Variants in SLC12A1 observed in about 807,000 individuals in gnomAD.
The protein encoded by SLC12A1 is solute carrier family 12 member 1.
SLC12A1 carries 89 observed loss-of-function variants against 130.4 expected under a neutral mutation model. The ratio of observed to expected loss-of-function variants is 0.68; its 90% CI spans 0.58 to 0.81. SLC12A1 has a LOEUF of 0.81. Ranked by LOEUF, SLC12A1 falls within the 40% of genes least tolerant of loss-of-function variation. The probability of loss-of-function intolerance (pLI) is 0.00; values close to 1 mark genes in which losing one functional copy is unlikely to be tolerated. For missense variants in SLC12A1, 1,310 were observed against 1,336.4 expected (o/e 0.98, Z 0.31); for synonymous variants, 499 against 460.0 (o/e 1.08, Z -1.09).
intron 19 of SLC12A1, among the ~76,000 whole-genome samples, chr15:48,273,357 C>T (rs1269873532): frequency 1.3e-5 from 2 of 152,148 alleles, no homozygotes; most frequent in Non-Finnish European, 2.9e-5. Context: ...CCTAATTTCA[C>T]TTTTAAGTAC....
chr15:48,221,861 T>A (rs569285973), intron 4 of SLC12A1, among the ~76,000 whole-genome samples: 2 of 152,346 alleles, frequency 1.3e-5, no homozygotes, highest in East Asian at 1.9e-4. Flanking sequence ...TGCTTTCAGA[T>A]AGCACTCCAG....
chr15:48,274,687 T>C lies in SLC12A1; in HGVS notation c.2485+34T>C, dbSNP rs369465569. 5 of 1,436,122 alleles carry C rather than the reference T, an allele frequency of 3.5e-6. No homozygotes were observed. In the African/African-American group the frequency reaches 7.0e-5, roughly 20 times the overall value. The allele number at this position is 1,436,122 out of a possible 1,614,324, so 89.0% of individuals were successfully genotyped here. ...TTTCTTTATTCAACCAACAAGTATT[T>C]ATTGAGCACCTACTTTGTGCCTGAC... is the stretch of plus-strand genomic sequence containing the variant. On this transcript the variant is annotated intron_variant, in intron 20 of 26. Coordinates refer to ENST00000380993, the MANE Select transcript of SLC12A1 (RefSeq NM_000338.3).
rs550686114 is a variant in SLC12A1 at position 48,254,592 on chromosome 15, TAAAAAAAAAAAAAAAAAAAAAAA to T, written c.1943-1203_1943-1181del. On this transcript the variant is annotated intron_variant, in intron 15 of 26. Transcript: ENST00000380993. ...AAGATCCATTTAATACTTAAATTCG[TAAAAAAAAAAAAAAAAAAAAAAA>T]AAAAAAAAAAAAAAACCCAAAAAAG... Among the ~76,000 whole-genome samples the T allele has an allele frequency of 4.7e-3, 246 of 52,898 alleles. 5 individuals carry two copies. In the East Asian group the frequency reaches 0.084, roughly 18 times the overall value. The allele number at this position is 52,898 out of a possible 152,430, so 34.7% of individuals were successfully genotyped here.
chr15:48,220,908 C>T lies in SLC12A1; in HGVS notation c.553-13C>T. 6.2e-7 allele frequency: 1 copy of T among 1,613,808 alleles called. No individual in the cohort carries two copies. The highest frequency in any genetic ancestry group is 1.1e-5 in the South Asian group (1 of 91,068). ...TTTGTCCTGTCTCCTTTCAATACCG[C>T]TTCTATCCACAGGTAAGATGCATGC... On this transcript the variant is annotated splice_polypyrimidine_tract_variant and intron_variant, in intron 3 of 26. Coordinates refer to ENST00000380993, the MANE Select transcript of SLC12A1 (RefSeq NM_000338.3).
chr15:48,274,598 G>A lies in SLC12A1; in HGVS notation c.2430G>A (p.Val810=), dbSNP rs1249653328. The A allele has an allele frequency of 1.2e-6, 2 of 1,612,942 alleles. No homozygotes were observed. The highest frequency in any genetic ancestry group is 2.2e-5 in the East Asian group (1 of 44,866). Residue 810 remains valine, a synonymous_variant, in exon 20 of 27, where the codon GTG becomes GTA. Coordinates refer to ENST00000380993, the MANE Select transcript of SLC12A1 (RefSeq NM_000338.3). Reference sequence around the variant, plus strand: ...ATGCATTTGATTTTGAGATTGGCGTGGTTATAGTCAGAATCAGCCAAGGAT... The same window carrying A: ...ATGCATTTGATTTTGAGATTGGCGTAGTTATAGTCAGAATCAGCCAAGGAT... The part of the protein sequence containing the change: ...IHDAFDFEIG[V]VIVRISQGFD...
intron 16 of SLC12A1, 80 bp from the exon 17 acceptor site, chr15:48,259,120 A>G: frequency 1.1e-6 from 1 of 913,878 alleles, no homozygotes; most frequent in Non-Finnish European, 1.8e-6. Context: ...AAGCCTCTGT[A>G]CCTGTCATCC....
chr15:48,255,879 A>G lies in SLC12A1; in HGVS notation c.2011A>G (p.Thr671Ala), dbSNP rs774918799. 2.5e-6 allele frequency: 4 copies of G among 1,603,330 alleles called. No homozygotes were observed. The South Asian group carries it at 3.4e-5, about 14-fold the overall frequency. The stretch of plus-strand genomic sequence containing the variant: ...TGCTTTAGACAATGCTCTGGAATTA[A>G]CCACAGTGGAAGACCACGTAAAAAA... The part of the protein sequence containing the change: ...VSALDNALEL[T>A]TVEDHVKNFR... Residue 671 changes from threonine (T) to alanine (A), a missense_variant, in exon 16 of 27, where the codon ACC (threonine) becomes GCC (alanine). Transcript: ENST00000380993.
intron 9 of SLC12A1, among the ~76,000 whole-genome samples, chr15:48,236,011 A>T (rs1476634411): frequency 6.6e-6 from 1 of 152,090 alleles, no homozygotes; most frequent in Non-Finnish European, 1.5e-5. Context: ...GGGCAGCCAC[A>T]TGCCCAGATA....
At chr15:48,296,127 C>A (rs561587922) in intron 24 of SLC12A1, among the ~76,000 whole-genome samples, 1 of 152,290 alleles carries the variant, frequency 6.6e-6, no homozygotes, top group South Asian at 2.1e-4. Flanking sequence ...GCAGCCCTTA[C>A]CTACTGTTAA....
intron 7 of SLC12A1, 68 bp downstream of exon 7, chr15:48,230,571 G>C: frequency 2.1e-6 from 2 of 943,684 alleles, no homozygotes; most frequent in South Asian, 1.4e-5. Flanking sequence ...CAGGAGTAGA[G>C]GGAACTCCAT....
At chr15:48,279,678 C>T (rs1597450604) in intron 20 of SLC12A1, among the ~76,000 whole-genome samples, 1 of 152,160 alleles carries the variant, frequency 6.6e-6, no homozygotes, top group East Asian at 1.9e-4. Context: ...GCAAGTTTTC[C>T]AACTACAACA....
chr15:48,245,800 C>T (rs991973004), intron 11 of SLC12A1, among the ~76,000 whole-genome samples: 4 of 152,150 alleles, frequency 2.6e-5, no homozygotes, highest in African/African-American at 9.7e-5. Context: ...AGAGATTGCT[C>T]GGTCAAATGA....
chr15:48,301,731 T>C (rs561379275), intron 26 of SLC12A1, among the ~76,000 whole-genome samples: 61 of 152,136 alleles, frequency 4.0e-4, no homozygotes, highest in African/African-American at 1.4e-3. Flanking sequence ...ACGGGCCCCT[T>C]CCCTGAGTGG....
chr15:48,246,169 A>G (rs1280847201), intron 11 of SLC12A1, among the ~76,000 whole-genome samples: 1 of 152,244 alleles, frequency 6.6e-6, no homozygotes. Flanking sequence ...ATCTAAAATT[A>G]TGTTTAATGA....
Position 48,259,296 on chromosome 15 carries a change from C to T in SLC12A1, c.2139C>T (p.Cys713=). The T allele has an allele frequency of 6.2e-7, 1 of 1,611,252 alleles. No homozygotes were observed. Among genetic ancestry groups the T allele is most frequent in the Non-Finnish European group, 8.5e-7 (1 of 1,177,416 alleles). ...AFTKNSGLCI[C]CEVFVGPRKL... is the part of the protein sequence containing the mutation. ...CCAAGAACAGTGGCCTTTGCATCTG[C>T]TGTGAAGTCTTTGTGGTAAGAGCCA... Residue 713 remains cysteine (C), a synonymous_variant, in exon 17 of 27, where the codon TGC becomes TGT. Coordinates refer to ENST00000380993, the MANE Select transcript of SLC12A1 (RefSeq NM_000338.3).
At chr15:48,216,165 C>T (rs2041119044) in intron 2 of SLC12A1, among the ~76,000 whole-genome samples, 1 of 152,064 alleles carries the variant, frequency 6.6e-6, no homozygotes, top group African/African-American at 2.4e-5. Context: ...TTGACTACAC[C>T]TTTGAATAAT....
chr15:48,269,735 A>C lies in SLC12A1; in HGVS notation c.2373A>C (p.Thr791=), dbSNP rs768154931. The change falls in exon 19 of 27, where the codon ACA becomes ACC. Residue 791 remains threonine (T), a synonymous_variant. Coordinates refer to ENST00000380993, the MANE Select transcript of SLC12A1 (RefSeq NM_000338.3). ...AAAACTGGAGGAAAGCTCCCTTGAC[A>C]GAGATTGAGAACTACGTGGGAATCA... ...YKKNWRKAPL[T]EIENYVGIIH... is the part of the protein sequence containing the mutation. 66 of 1,607,006 alleles carry C rather than the reference A, an allele frequency of 4.1e-5. No homozygotes were observed. The highest frequency in any genetic ancestry group is 5.4e-5 in the Non-Finnish European group (63 of 1,173,972).
intron 20 of SLC12A1, among the ~76,000 whole-genome samples, chr15:48,282,645 C>T (rs1188677627): frequency 1.3e-5 from 2 of 152,142 alleles, no homozygotes; most frequent in African/African-American, 4.8e-5. Context: ...ACAGTGACAA[C>T]AAAGTCTGGG....
At chr15:48,241,941 G>C (rs745601496) in intron 10 of SLC12A1, among the ~76,000 whole-genome samples, 2 of 152,154 alleles carry the variant, frequency 1.3e-5, no homozygotes, top group African/African-American at 4.8e-5. Context: ...GGAGGCAGGA[G>C]AGAAACAGAG....
Sources: allele counts gnomAD v4.1 joint callset (sites outside exome capture counted in the v4.1 genomes callset), GRCh38; gene constraint gnomAD v4.1.1; transcripts MANE v1.5; gene names NCBI Gene and HGNC (gene_info 2026-07-23, HGNC 2026-07-21).